MAP7: variants seen among roughly 807,000 people sequenced by gnomAD.
MAP7 encodes ensconsin.
MAP7 carries 52 observed loss-of-function variants against 94.8 expected under a neutral mutation model. The observed-to-expected ratio is 0.55, with a 90% CI of 0.44 to 0.69. MAP7 has a LOEUF of 0.69. Among genes scored for constraint, MAP7 ranks in the 30% least tolerant of loss-of-function variants. The pLI is 0.00. For synonymous variants in MAP7, 350 were observed against 357.0 expected, an observed-to-expected ratio of 0.98 and a Z score of 0.22; for missense variants, 940 against 964.6, an observed-to-expected ratio of 0.97 and a Z score of 0.34.
chr6:136,387,122 A>G (rs1300501775), intron 5 of MAP7, among the ~76,000 whole-genome samples: 2 of 152,198 alleles, frequency 1.3e-5, no homozygotes, highest in African/African-American at 4.8e-5. Flanking sequence ...CTAGATTTTT[A>G]ATTTTAATAA....
chr6:136,498,848 A>C (rs1463645900), intron 1 of MAP7, among the ~76,000 whole-genome samples: 1 of 152,004 alleles, frequency 6.6e-6, no homozygotes, highest in Non-Finnish European at 1.5e-5. Flanking sequence ...AAAAGTAGAA[A>C]AGGCTTCAGT....
intron 1 of MAP7, among the ~76,000 whole-genome samples, chr6:136,526,922 T>C (rs981170256): frequency 6.6e-6 from 1 of 152,146 alleles, no homozygotes; most frequent in African/African-American, 2.4e-5. Flanking sequence ...GCCATGTCCC[T>C]GAAACCCTCT....
intron 1 of MAP7, among the ~76,000 whole-genome samples, chr6:136,467,083 A>T (rs184371523): frequency 7.2e-4 from 109 of 152,316 alleles, no homozygotes; most frequent in African/African-American, 2.4e-3. Flanking sequence ...GGAGTAGGGG[A>T]GGCTTTTCCT....
chr6:136,406,731 G>A (rs967083371), intron 3 of MAP7, among the ~76,000 whole-genome samples: 2 of 152,206 alleles, frequency 1.3e-5, no homozygotes, highest in African/African-American at 4.8e-5. Flanking sequence ...TGAGGCACGA[G>A]AATTGCTTGA....
At chr6:136,524,140 A>G (rs1233177543) in intron 1 of MAP7, among the ~76,000 whole-genome samples, 1 of 152,120 alleles carries the variant, frequency 6.6e-6, no homozygotes, top group Non-Finnish European at 1.5e-5. Flanking sequence ...GCTACTCAGG[A>G]GGCTGAGGCA....
intron 1 of MAP7, among the ~76,000 whole-genome samples, chr6:136,529,719 A>T (rs2129055854): frequency 6.6e-6 from 1 of 152,334 alleles, no homozygotes; most frequent in South Asian, 2.1e-4. Flanking sequence ...GTATAATTTC[A>T]AAATGTATTC....
chr6:136,438,421 T>C (rs565039546), intron 1 of MAP7, among the ~76,000 whole-genome samples: 63 of 152,320 alleles, frequency 4.1e-4, no homozygotes, highest in African/African-American at 1.5e-3. Context: ...TGCTCATTCC[T>C]GAGAAAGGGA....
intron 1 of MAP7, among the ~76,000 whole-genome samples, chr6:136,540,982 AG>A (rs1829263129): frequency 6.6e-6 from 1 of 152,220 alleles, no homozygotes; most frequent in South Asian, 2.1e-4. Flanking sequence ...GGGGTCAAGG[AG>A]TGACCCATAT....
rs370009303 is a variant in MAP7 at position 136,446,290 on chromosome 6, A to G, written c.68-24491T>C. 1.3e-3 allele frequency among the ~76,000 whole-genome samples: 192 copies of G among 151,972 alleles called. 5 individuals are homozygous for G. In the South Asian group the frequency reaches 0.038, roughly 30 times the overall value. On this transcript the variant is annotated intron_variant, in intron 1 of 17. Coordinates refer to ENST00000354570, the MANE Select transcript of MAP7 (RefSeq NM_003980.6). ...ATAGGGCGCAGCGTAGGAGAAGATC[A>G]TCATCAGAGGTGGATAGGGCACAGC...
At chr6:136,539,872 G>A (rs774033943) in intron 1 of MAP7, among the ~76,000 whole-genome samples, 3 of 152,162 alleles carry the variant, frequency 2.0e-5, no homozygotes, top group African/African-American at 4.8e-5. Context: ...TCAGGTACTC[G>A]GTAGGCTGAG....
At chr6:136,522,433 C>G (rs558012022) in intron 1 of MAP7, among the ~76,000 whole-genome samples, 59 of 152,270 alleles carry the variant, frequency 3.9e-4, no homozygotes, top group African/African-American at 1.4e-3. Context: ...AGATGTTAAT[C>G]TCCATGTTCT....
At chr6:136,474,776 T>A (rs1449024551) in intron 1 of MAP7, among the ~76,000 whole-genome samples, 1 of 151,822 alleles carries the variant, frequency 6.6e-6, no homozygotes, top group Non-Finnish European at 1.5e-5. Flanking sequence ...TGGAGTGCAA[T>A]GGCACGATCT....
At chr6:136,465,336 T>C (rs1198391586) in intron 1 of MAP7, among the ~76,000 whole-genome samples, 1 of 152,210 alleles carries the variant, frequency 6.6e-6, no homozygotes. Context: ...ATTTATCCAG[T>C]TTTCTTACTG....
intron 1 of MAP7, among the ~76,000 whole-genome samples, chr6:136,538,513 C>T (rs111522553): frequency 0.012 from 1,878 of 152,026 alleles, 32 homozygotes; most frequent in East Asian, 0.04. Flanking sequence ...GGGCCAGGTG[C>T]GGTGGCTCAC....
chr6:136,465,839 C>A (rs752367762), intron 1 of MAP7, among the ~76,000 whole-genome samples: 2 of 152,030 alleles, frequency 1.3e-5, no homozygotes, highest in Non-Finnish European at 2.9e-5. Context: ...ATATACCTCA[C>A]GTATGTCTCC....
rs1301102226 is a variant in MAP7 at position 136,456,834 on chromosome 6, A to G, written c.68-35035T>C. Among the ~76,000 whole-genome samples, 19 of 113,036 alleles carry G rather than the reference A, an allele frequency of 1.7e-4. No individual in the cohort carries two copies. The South Asian group carries it at 1.8e-3, about 11-fold the overall frequency. The allele number at this position is 113,036 out of a possible 152,430, so 74.2% of individuals were successfully genotyped here. ...AGAAGAAGAAGAAGGAAGAAGAAGA[A>G]GAAGAAGAAGAAGAGGAAGAAGAAG... is the stretch of plus-strand genomic sequence containing the variant. On this transcript the variant is annotated intron_variant, in intron 1 of 17. Transcript: ENST00000354570.
intron 1 of MAP7, among the ~76,000 whole-genome samples, chr6:136,438,283 C>G (rs937178528): frequency 4.6e-5 from 7 of 152,196 alleles, no homozygotes; most frequent in Admixed American, 2.6e-4. Context: ...TCTATAGACA[C>G]CTTGCAAAGC....
intron 7 of MAP7, among the ~76,000 whole-genome samples, chr6:136,375,529 G>C (rs1775851011): frequency 6.6e-6 from 1 of 152,022 alleles, no homozygotes. Context: ...CACTAAAATG[G>C]GAAAACATGA....
At chr6:136,496,776 C>T (rs1398432748) in intron 1 of MAP7, among the ~76,000 whole-genome samples, 1 of 68,730 alleles carries the variant, frequency 1.5e-5, no homozygotes, top group Non-Finnish European at 2.5e-5. Context: ...CCCGTCTCTA[C>T]TAAAAAAAAA....
Sources: allele counts gnomAD v4.1 joint callset (sites outside exome capture counted in the v4.1 genomes callset), GRCh38; gene constraint gnomAD v4.1.1; transcripts MANE v1.5; gene names NCBI Gene and HGNC (gene_info 2026-07-23, HGNC 2026-07-21).